Variants in AGBL1 observed in about 807,000 individuals in gnomAD.
AGBL1 encodes the protein AGBL carboxypeptidase 1, also known as cytosolic carboxypeptidase 4.
Under a neutral mutation model 118.9 loss-of-function variants are expected in AGBL1, and 130 were observed. The ratio of observed to expected loss-of-function variants is 1.09; its 90% CI spans 0.95 to 1.26. The LOEUF is 1.26. AGBL1 is among the 50% of genes most tolerant of loss of function. The pLI, the probability that AGBL1 is intolerant of heterozygous loss-of-function variation, is 0.00. For synonymous variants in AGBL1, 555 were observed against 478.9 expected, an observed-to-expected ratio of 1.16 and a Z score of -2.08; for missense variants, 1,584 against 1,298.1, an observed-to-expected ratio of 1.22 and a Z score of -3.38.
chr15:86,236,940 GGCGGGGGGGGGC>G lies in AGBL1; in HGVS notation c.527-10729_527-10718del, dbSNP rs2078556584. Among the ~76,000 whole-genome samples the G allele has an allele frequency of 1.5e-4, 10 of 68,802 alleles. 1 individual carries two copies. The highest frequency in any genetic ancestry group is 3.8e-4 in the Admixed American group (3 of 7,968). 45.1% of individuals were successfully genotyped at this position (68,802 alleles called of 152,430 possible). On this transcript the variant is annotated intron_variant, in intron 6 of 22. Transcript: ENST00000614907. The stretch of plus-strand genomic sequence containing the variant: ...ACACGGGGATATGTGGGCGGGGGGG[GGCGGGGGGGGGC>G]GGGGGGGCGCCAAGTTGCCAGGCAC...
At chr15:86,895,052 T>TCTTTCATCTTCCCTCCTTCC (rs2080103192) in intron 22 of AGBL1, among the ~76,000 whole-genome samples, 1 of 145,696 alleles carries the variant, frequency 6.9e-6, no homozygotes, top group African/African-American at 2.6e-5. Flanking sequence ...TTTTGTTCCT[T>TCTTTCATCTTCCCTCCTTCC]CTTTCTTTTA....
intron 18 of AGBL1, among the ~76,000 whole-genome samples, chr15:86,427,221 C>T (rs2081877835): frequency 6.6e-6 from 1 of 152,100 alleles, no homozygotes; most frequent in Non-Finnish European, 1.5e-5. Flanking sequence ...AAAAGAGGAA[C>T]AGTTTGTGAA....
intron 21 of AGBL1, among the ~76,000 whole-genome samples, chr15:86,605,453 C>T (rs1268739856): frequency 6.6e-6 from 1 of 152,062 alleles, no homozygotes; most frequent in Non-Finnish European, 1.5e-5. Flanking sequence ...AAAAACTGTC[C>T]TTTGATACAA....
At chr15:86,935,129 G>A (rs1291383348) in intron 23 of AGBL1, 5 of 152,022 alleles carry the variant, frequency 3.3e-5, no homozygotes, top group East Asian at 1.9e-4. Context: ...TGAACTCAGC[G>A]GATTTTCTCC....
intron 21 of AGBL1, among the ~76,000 whole-genome samples, chr15:86,635,524 C>T (rs1362053657): frequency 6.6e-6 from 1 of 151,662 alleles, no homozygotes; most frequent in Non-Finnish European, 1.5e-5. Context: ...GTAACAGACT[C>T]AGCTCAACAA....
chr15:86,379,404 C>G lies in AGBL1; in HGVS notation c.2375-17962C>G, dbSNP rs189605664. The stretch of plus-strand genomic sequence containing the variant: ...TGTTTTACAGAAAACTTTTTAAAGT[C>G]AAATTTGAGTGGTTCTCATTCAAAC... On this transcript the variant is annotated intron_variant, in intron 17 of 22. Transcript: ENST00000614907. 3.9e-5 allele frequency among the ~76,000 whole-genome samples: 6 copies of G among 151,972 alleles called. 1 individual carries two copies. The East Asian group carries it at 9.6e-4, about 24-fold the overall frequency.
chr15:86,417,856 GA>G (rs2081718806), intron 18 of AGBL1, among the ~76,000 whole-genome samples: 1 of 152,208 alleles, frequency 6.6e-6, no homozygotes, highest in South Asian at 2.1e-4. Flanking sequence ...TGCTATTCAT[GA>G]AGCCTGAAGC....
At chr15:86,535,257 G>T (rs2059563914) in intron 19 of AGBL1, among the ~76,000 whole-genome samples, 1 of 152,214 alleles carries the variant, frequency 6.6e-6, no homozygotes, top group South Asian at 2.1e-4. Flanking sequence ...AAGCGGACAA[G>T]CTCTACAATC....
At chr15:86,468,748 G>A (rs144824343) in intron 18 of AGBL1, among the ~76,000 whole-genome samples, 18 of 152,106 alleles carry the variant, frequency 1.2e-4, no homozygotes, top group South Asian at 2.1e-4. Flanking sequence ...AAATTCTTTC[G>A]CTAATAATTC....
chr15:86,306,980 A>G (rs919856578), intron 17 of AGBL1, among the ~76,000 whole-genome samples: 4 of 152,056 alleles, frequency 2.6e-5, no homozygotes, highest in African/African-American at 7.2e-5. Context: ...AGAAATGTCT[A>G]TTTAAATCTT....
intron 22 of AGBL1, among the ~76,000 whole-genome samples, chr15:86,761,328 G>A (rs1452123469): frequency 2.0e-5 from 3 of 152,046 alleles, no homozygotes; most frequent in Non-Finnish European, 4.4e-5. Context: ...CCAAAGTAAG[G>A]ATTTAATTTT....
At chr15:86,719,854 T>G (rs2086690743) in intron 22 of AGBL1, among the ~76,000 whole-genome samples, 1 of 152,214 alleles carries the variant, frequency 6.6e-6, no homozygotes, top group Non-Finnish European at 1.5e-5. Flanking sequence ...GGTGGGAGGA[T>G]GAGGATAATG....
At chr15:86,189,523 A>G (rs969783299) in intron 5 of AGBL1, among the ~76,000 whole-genome samples, 1 of 152,152 alleles carries the variant, frequency 6.6e-6, no homozygotes, top group Non-Finnish European at 1.5e-5. Context: ...CCTCTTGAAC[A>G]TCTTGGTGCT....
chr15:86,215,465 T>C (rs1200567706), intron 5 of AGBL1, among the ~76,000 whole-genome samples: 1 of 152,184 alleles, frequency 6.6e-6, no homozygotes, highest in Non-Finnish European at 1.5e-5. Context: ...AGTGAGGCTC[T>C]AGGATTAAAT....
chr15:86,838,811 G>T (rs894693290), intron 22 of AGBL1, among the ~76,000 whole-genome samples: 1 of 151,504 alleles, frequency 6.6e-6, no homozygotes, highest in African/African-American at 2.4e-5. Flanking sequence ...GGACATGGTG[G>T]TGCATGCCTG....
intron 21 of AGBL1, among the ~76,000 whole-genome samples, chr15:86,631,456 T>C (rs1419963306): frequency 6.6e-6 from 1 of 152,172 alleles, no homozygotes; most frequent in Non-Finnish European, 1.5e-5. Flanking sequence ...TTCAGAGAGA[T>C]TGTGTGACTT....
intron 21 of AGBL1, among the ~76,000 whole-genome samples, chr15:86,663,121 C>T (rs1353363061): frequency 3.9e-5 from 6 of 152,108 alleles, no homozygotes; most frequent in African/African-American, 7.2e-5. Context: ...GGGTTAATGG[C>T]CCCTGCTCAT....
At chr15:86,251,838 C>G (rs777315010) in intron 7 of AGBL1, among the ~76,000 whole-genome samples, 5 of 151,264 alleles carry the variant, frequency 3.3e-5, no homozygotes, top group Admixed American at 6.6e-5. Context: ...AAAAAGAACT[C>G]CTACAAGGAT....
intron 18 of AGBL1, among the ~76,000 whole-genome samples, chr15:86,482,831 G>T (rs2082669573): frequency 6.6e-6 from 1 of 151,878 alleles, no homozygotes; most frequent in African/African-American, 2.4e-5. Flanking sequence ...TCCAACAAAA[G>T]CTTCATCAGC....
Sources: gnomAD v4.1 joint callset for allele counts (sites outside exome capture counted in the v4.1 genomes callset) on GRCh38, gnomAD v4.1.1 for gene constraint, MANE v1.5 for transcripts, NCBI Gene and HGNC (gene_info 2026-07-23, HGNC 2026-07-21) for gene names.